DOK5: variants seen among roughly 807,000 people sequenced by gnomAD.
The protein encoded by DOK5 is docking protein 5, also known as downstream of tyrosine kinase 5.
A neutral mutation model predicts 43.3 loss-of-function variants in DOK5; 27 were observed. The ratio of observed to expected loss-of-function variants is 0.62; its 90% confidence interval spans 0.46 to 0.86. The LOEUF is 0.86. Among genes scored for constraint, DOK5 ranks in the 40% least tolerant of loss-of-function variants. DOK5 has a pLI of 0.00. For missense variants in DOK5, 373 were observed against 392.9 expected, an observed-to-expected ratio of 0.95 and a Z score of 0.43; for synonymous variants, 146 against 140.1, an observed-to-expected ratio of 1.04 and a Z score of -0.30.
At chr20:54,488,768 C>CCTCCCTCCCCTCT (rs1982044493) in intron 1 of DOK5, among the ~76,000 whole-genome samples, 1 of 139,068 alleles carries the variant, frequency 7.2e-6, no homozygotes, top group Admixed American at 7.1e-5. Flanking sequence ...CCTACCCCTC[C>CCTCCCTCCCCTCT]CCTCCCTCCC....
intron 2 of DOK5, among the ~76,000 whole-genome samples, chr20:54,570,859 A>G (rs1015716013): frequency 3.3e-5 from 5 of 152,352 alleles, no homozygotes; most frequent in East Asian, 1.9e-4. Context: ...TGGAAAATTG[A>G]ATTGTGTAAT....
intron 6 of DOK5, among the ~76,000 whole-genome samples, chr20:54,625,653 A>G (rs537143564): frequency 2.3e-4 from 35 of 152,308 alleles, no homozygotes; most frequent in Middle Eastern, 3.4e-3. Context: ...CCCCTTCTAC[A>G]AAGTGTGGAT....
chr20:54,646,667 A>G lies in DOK5; in HGVS notation c.856+3089A>G, dbSNP rs372614442. ...CAAAAGTGGCTATTTAAACAAGTACATTTAAAAAAAAAGTTTTATTCTTCT... is the reference window on the plus strand; with the variant it reads ...CAAAAGTGGCTATTTAAACAAGTACGTTTAAAAAAAAAGTTTTATTCTTCT... On this transcript the variant is annotated intron_variant, in intron 7 of 7. Coordinates refer to ENST00000262593, the MANE Select transcript of DOK5 (RefSeq NM_018431.5). Among the ~76,000 whole-genome samples the G allele has an allele frequency of 1.4e-3, 212 of 152,348 alleles. 1 individual carries two copies. Among genetic ancestry groups the G allele is most frequent in the African/African-American group, 5.0e-3 (209 of 41,586 alleles).
intron 6 of DOK5, among the ~76,000 whole-genome samples, chr20:54,640,445 T>A (rs1979055671): frequency 6.6e-6 from 1 of 152,228 alleles, no homozygotes; most frequent in Non-Finnish European, 1.5e-5. Context: ...CCTACTGGAT[T>A]CTCACCAAAT....
At chr20:54,632,690 T>C (rs1168896274) in intron 6 of DOK5, among the ~76,000 whole-genome samples, 1 of 152,214 alleles carries the variant, frequency 6.6e-6, no homozygotes, top group Non-Finnish European at 1.5e-5. Context: ...CCAGAATGAT[T>C]GTTCTAAAGG....
intron 1 of DOK5, among the ~76,000 whole-genome samples, chr20:54,513,643 G>A (rs758230798): frequency 6.6e-6 from 1 of 152,088 alleles, no homozygotes; most frequent in Non-Finnish European, 1.5e-5. Context: ...TTTTTAAAAC[G>A]TGAGATTATT....
intron 2 of DOK5, among the ~76,000 whole-genome samples, chr20:54,560,255 C>T (rs980299558): frequency 6.6e-6 from 1 of 152,188 alleles, no homozygotes; most frequent in African/African-American, 2.4e-5. Flanking sequence ...AATGTCACAG[C>T]CCCCTCTTTC....
intron 6 of DOK5, among the ~76,000 whole-genome samples, chr20:54,624,709 C>A (rs563281099): frequency 2.6e-5 from 4 of 152,312 alleles, no homozygotes; most frequent in Admixed American, 2.6e-4. Context: ...GCAAAGGGAG[C>A]AGTGAATTTG....
chr20:54,623,279 T>C (rs942602280), intron 6 of DOK5, among the ~76,000 whole-genome samples: 62 of 152,214 alleles, frequency 4.1e-4, no homozygotes, highest in African/African-American at 1.5e-3. Flanking sequence ...CGACAAAGAA[T>C]GAGCTTGCCC....
chr20:54,606,849 A>G (rs1790070283), intron 5 of DOK5, among the ~76,000 whole-genome samples: 1 of 152,216 alleles, frequency 6.6e-6, no homozygotes, highest in South Asian at 2.1e-4. Flanking sequence ...GCTTTGAGCA[A>G]TAGGAGCAAA....
intron 1 of DOK5, among the ~76,000 whole-genome samples, chr20:54,526,914 G>T (rs968921577): frequency 2.0e-5 from 3 of 152,022 alleles, no homozygotes; most frequent in African/African-American, 7.3e-5. Flanking sequence ...GAAACAATGA[G>T]GTTATAGTTA....
At chr20:54,612,601 C>G (rs1240083270) in intron 6 of DOK5, among the ~76,000 whole-genome samples, 1 of 152,136 alleles carries the variant, frequency 6.6e-6, no homozygotes. Flanking sequence ...AGAATTAGCT[C>G]TCTTTGTGGT....
chr20:54,588,416 C>G, intron 2 of DOK5, 67 bp from the exon 3 acceptor site: 1 of 1,361,576 alleles, frequency 7.3e-7, no homozygotes, highest in South Asian at 1.2e-5. Context: ...CGGGCCTCAC[C>G]TTTGGTGTTG....
intron 5 of DOK5, among the ~76,000 whole-genome samples, chr20:54,592,594 T>C (rs1395594045): frequency 1.1e-4 from 16 of 151,088 alleles, no homozygotes; most frequent in Non-Finnish European, 2.4e-4. Flanking sequence ...GGCTGGAGTG[T>C]AGGTGGCACA....
At chr20:54,540,887 T>C (rs557538695) in intron 1 of DOK5, among the ~76,000 whole-genome samples, 1 of 132,022 alleles carries the variant, frequency 7.6e-6, no homozygotes, top group African/African-American at 4.4e-5. Context: ...GATAATATTA[T>C]TGTGTTTATA....
rs78549870 is a variant in DOK5 at position 54,487,985 on chromosome 20, C to T, written c.66+11973C>T. 3.2e-3 allele frequency among the ~76,000 whole-genome samples: 489 copies of T among 152,318 alleles called. 2 individuals carry two copies. Among genetic ancestry groups the T allele is most frequent in the African/African-American group, 0.011 (448 of 41,566 alleles). On this transcript the variant is annotated intron_variant, in intron 1 of 7. Coordinates refer to ENST00000262593, the MANE Select transcript of DOK5 (RefSeq NM_018431.5). ...TTCATTTTATTATCTTAACACCATACATTCATTCAATAAAAGAAATTTATT... is the reference window on the plus strand; with the variant it reads ...TTCATTTTATTATCTTAACACCATATATTCATTCAATAAAAGAAATTTATT...
At chr20:54,496,291 G>T (rs1279902007) in intron 1 of DOK5, among the ~76,000 whole-genome samples, 2 of 152,144 alleles carry the variant, frequency 1.3e-5, no homozygotes. Flanking sequence ...ATCTTACAAA[G>T]GTGTAGGCTG....
At position 54,481,090 on chromosome 20, in the gene DOK5, CATCT is replaced by C. The variant is rs1158564516; in HGVS notation, c.66+5090_66+5093del. On this transcript the variant is annotated intron_variant, in intron 1 of 7. Transcript: ENST00000262593. The stretch of plus-strand genomic sequence containing the variant: ...TATCATCTATCTATCTATCATCTAC[CATCT>C]ATCTATCTATCATCTATCTATCTAT... 1.3e-4 allele frequency among the ~76,000 whole-genome samples: 15 copies of C among 112,880 alleles called. 1 individual carries two copies. The highest frequency in any genetic ancestry group is 2.0e-4 in the Non-Finnish European group (11 of 55,406). 74.1% of individuals were successfully genotyped at this position (112,880 alleles called of 152,430 possible).
At chr20:54,575,598 G>A (rs1193821118) in intron 2 of DOK5, among the ~76,000 whole-genome samples, 2 of 152,072 alleles carry the variant, frequency 1.3e-5, no homozygotes, top group Non-Finnish European at 2.9e-5. Flanking sequence ...CCGCCACCAT[G>A]CCTAGCTAAT....
Sources: gnomAD v4.1 joint callset for allele counts (sites outside exome capture counted in the v4.1 genomes callset) on GRCh38, gnomAD v4.1.1 for gene constraint, MANE v1.5 for transcripts, NCBI Gene and HGNC (gene_info 2026-07-23, HGNC 2026-07-21) for gene names.